Variants in RBMS3 observed in about 807,000 individuals in gnomAD.
RBMS3 encodes RNA binding motif single stranded interacting protein 3.
In RBMS3, 27 loss-of-function variants were observed where a neutral mutation model predicts 66.8. The observed-to-expected ratio is 0.40, with a 90% CI of 0.30 to 0.56. The LOEUF (loss-of-function observed/expected upper bound fraction) is 0.56. RBMS3 is among the 20% of genes least tolerant of loss of function. RBMS3 has a pLI of 0.40. For missense variants in RBMS3, 513 were observed against 549.5 expected, an observed-to-expected ratio of 0.93 and a Z score of 0.66; for synonymous variants, 188 against 183.0, an observed-to-expected ratio of 1.03 and a Z score of -0.22.
intron 1 of RBMS3, among the ~76,000 whole-genome samples, chr3:29,401,779 T>C (rs897384322): frequency 6.6e-6 from 1 of 152,064 alleles, no homozygotes; most frequent in Admixed American, 6.6e-5. Context: ...CACAGGGAAG[T>C]TCCCTTTGCA....
Position 29,533,971 on chromosome 3 carries a change from C to T in RBMS3, c.307+45472C>T, listed in dbSNP as rs530191777. Among the ~76,000 whole-genome samples, 219 of 152,290 alleles carry T rather than the reference C, an allele frequency of 1.4e-3. 1 individual carries two copies. Among genetic ancestry groups the T allele is most frequent in the South Asian group, 1.2e-3 (6 of 4,824 alleles). On this transcript the variant is annotated intron_variant, in intron 3 of 14. Coordinates refer to ENST00000383767, the MANE Select transcript of RBMS3 (RefSeq NM_001003793.3). ...CCACTCCTTAAGTGACTCCTAAATC[C>T]GCTGCATGTTCATGTCCATTTTGTT...
intron 1 of RBMS3, among the ~76,000 whole-genome samples, chr3:29,361,054 G>T (rs1261897848): frequency 1.3e-5 from 2 of 151,940 alleles, no homozygotes; most frequent in Non-Finnish European, 1.5e-5. Context: ...TCCATTTAAG[G>T]TTAATATTGT....
chr3:29,989,551 A>AG (rs1698682481), intron 13 of RBMS3, among the ~76,000 whole-genome samples: 1 of 152,166 alleles, frequency 6.6e-6, no homozygotes, highest in South Asian at 2.1e-4. Flanking sequence ...TCTGAGATTG[A>AG]GGGAAACCTT....
At chr3:29,308,220 C>T (rs1361790605) in intron 1 of RBMS3, among the ~76,000 whole-genome samples, 2 of 151,840 alleles carry the variant, frequency 1.3e-5, no homozygotes, top group Non-Finnish European at 1.5e-5. Flanking sequence ...ACAAACTTCT[C>T]ATAGAGAGTT....
chr3:29,839,326 C>T (rs374366406), intron 6 of RBMS3, among the ~76,000 whole-genome samples: 16 of 152,258 alleles, frequency 1.1e-4, no homozygotes, highest in Admixed American at 7.2e-4. Context: ...GACTTCCCTG[C>T]GGTGGCTCTC....
intron 4 of RBMS3, among the ~76,000 whole-genome samples, chr3:29,699,289 A>G (rs1255774885): frequency 6.6e-6 from 1 of 152,124 alleles, no homozygotes; most frequent in African/African-American, 2.4e-5. Context: ...AGCTGGGACT[A>G]CAGGCAAATG....
At chr3:29,972,620 G>C (rs1459795560) in intron 12 of RBMS3, among the ~76,000 whole-genome samples, 1 of 152,038 alleles carries the variant, frequency 6.6e-6, no homozygotes, top group Non-Finnish European at 1.5e-5. Flanking sequence ...GCTGAGCTCT[G>C]TTTCAGAAAA....
At chr3:29,880,920 C>G (rs1230530362) in intron 7 of RBMS3, 2 of 1,233,760 alleles carry the variant, frequency 1.6e-6, no homozygotes, top group African/African-American at 3.0e-5. Flanking sequence ...GTTACTCATT[C>G]CTCTGGATTT....
intron 6 of RBMS3, among the ~76,000 whole-genome samples, chr3:29,774,341 C>A (rs977054556): frequency 1.3e-5 from 2 of 151,996 alleles, no homozygotes; most frequent in Non-Finnish European, 2.9e-5. Flanking sequence ...GCAGATAAAA[C>A]CGTGATCAGG....
At chr3:29,995,494 A>G (rs939982176) in intron 14 of RBMS3, among the ~76,000 whole-genome samples, 2 of 151,806 alleles carry the variant, frequency 1.3e-5, no homozygotes, top group African/African-American at 4.8e-5. Flanking sequence ...GAAGGGAAAA[A>G]TGTTAAGGGC....
intron 4 of RBMS3, among the ~76,000 whole-genome samples, chr3:29,683,765 T>A (rs182329862): frequency 1.3e-5 from 2 of 152,334 alleles, no homozygotes; most frequent in African/African-American, 4.8e-5. Context: ...TTCTTTCTTA[T>A]CACTTTTTAA....
intron 4 of RBMS3, among the ~76,000 whole-genome samples, chr3:29,691,101 A>G (rs2051984295): frequency 1.3e-5 from 2 of 152,228 alleles, no homozygotes; most frequent in Non-Finnish European, 1.5e-5. Flanking sequence ...GTTTAACTCC[A>G]TGGAATTGCA....
At chr3:29,748,619 A>C (rs574321781) in intron 5 of RBMS3, among the ~76,000 whole-genome samples, 2 of 152,300 alleles carry the variant, frequency 1.3e-5, no homozygotes, top group South Asian at 4.2e-4. Context: ...CCTTTAAAAA[A>C]CTACCCTGGG....
chr3:29,479,685 A>T (rs976839551), intron 2 of RBMS3, among the ~76,000 whole-genome samples: 1 of 152,232 alleles, frequency 6.6e-6, no homozygotes, highest in African/African-American at 2.4e-5. Flanking sequence ...GGGAAATTAG[A>T]CAATAGTTCC....
intron 4 of RBMS3, among the ~76,000 whole-genome samples, chr3:29,628,757 C>G (rs541027997): frequency 6.6e-6 from 1 of 151,996 alleles, no homozygotes; most frequent in Admixed American, 6.6e-5. Context: ...CATATAGTTC[C>G]TTTAGATTTA....
intron 13 of RBMS3, among the ~76,000 whole-genome samples, chr3:29,989,650 T>TTTAACAGGGCACTGATGG (rs1427847193): frequency 6.6e-6 from 1 of 152,218 alleles, no homozygotes; most frequent in Non-Finnish European, 1.5e-5. Flanking sequence ...AATCCAGATG[T>TTTAACAGGGCACTGATGG]TTAACAGGGC....
At chr3:29,422,585 T>C (rs1011193354) in intron 1 of RBMS3, among the ~76,000 whole-genome samples, 29 of 152,032 alleles carry the variant, frequency 1.9e-4, no homozygotes, top group Admixed American at 1.8e-3. Flanking sequence ...AAATATTTTA[T>C]AAGTTTCTTA....
chr3:29,666,581 TTG>T (rs1375110770), intron 4 of RBMS3, among the ~76,000 whole-genome samples: 2 of 152,100 alleles, frequency 1.3e-5, no homozygotes, highest in Non-Finnish European at 2.9e-5. Flanking sequence ...CTTTTTATAC[TTG>T]AATGGAGGGA....
intron 1 of RBMS3, among the ~76,000 whole-genome samples, chr3:29,422,047 C>A (rs1447924386): frequency 6.6e-6 from 1 of 152,128 alleles, no homozygotes; most frequent in African/African-American, 2.4e-5. Flanking sequence ...GCTTTACACA[C>A]AATCACTCAC....
Sources: allele counts gnomAD v4.1 joint callset (sites outside exome capture counted in the v4.1 genomes callset), GRCh38; gene constraint gnomAD v4.1.1; transcripts MANE v1.5; gene names NCBI Gene and HGNC (gene_info 2026-07-23, HGNC 2026-07-21).